The following EPHA7 variants were observed in gnomAD, a reference collection of about 807,000 sequenced individuals.
The protein encoded by EPHA7 is EPH receptor A7.
In EPHA7, 25 loss-of-function variants were observed where a neutral mutation model predicts 112.6. That is an observed-to-expected ratio of 0.22 (90% CI 0.16 to 0.31). The LOEUF is 0.31. Among genes scored for constraint, EPHA7 ranks in the 10% least tolerant of loss-of-function variants. The pLI is 1.00. For missense variants in EPHA7, 962 were observed against 1,212.6 expected (o/e 0.79, Z 3.07); for synonymous variants, 437 against 406.5 (o/e 1.07, Z -0.90).
At chr6:93,288,273 T>C (rs77440849) in intron 5 of EPHA7, among the ~76,000 whole-genome samples, 3,358 of 152,260 alleles carry the variant, frequency 0.022, 55 homozygotes, top group Non-Finnish European at 0.033. Flanking sequence ...CAGTACAACA[T>C]AGAAGTACCT....
intron 1 of EPHA7, among the ~76,000 whole-genome samples, chr6:93,417,990 G>A (rs555531726): frequency 1.3e-5 from 2 of 152,140 alleles, no homozygotes; most frequent in South Asian, 4.2e-4. Flanking sequence ...AGAAATAGAT[G>A]AATCAAGGAC....
At chr6:93,273,519 TC>T (rs1562060397) in intron 5 of EPHA7, among the ~76,000 whole-genome samples, 1 of 151,958 alleles carries the variant, frequency 6.6e-6, no homozygotes, top group African/African-American at 2.4e-5. Flanking sequence ...TGTATCAATG[TC>T]TAAAAACCAC....
chr6:93,248,314 A>G (rs1383124562), intron 14 of EPHA7, among the ~76,000 whole-genome samples: 1 of 152,126 alleles, frequency 6.6e-6, no homozygotes, highest in Non-Finnish European at 1.5e-5. Flanking sequence ...GGCATCAACA[A>G]TATTTGAAAA....
In EPHA7 at chr6:93,291,636, C is replaced by T. The variant is rs573953627; in HGVS notation, c.1325-19214G>A. Among the ~76,000 whole-genome samples, 141 of 148,972 alleles carry T rather than the reference C, an allele frequency of 9.5e-4. 1 individual carries two copies. Among genetic ancestry groups the T allele is most frequent in the Non-Finnish European group, 1.5e-3 (102 of 66,722 alleles). On this transcript the variant is annotated intron_variant, in intron 5 of 16. Coordinates refer to ENST00000369303, the MANE Select transcript of EPHA7 (RefSeq NM_004440.4). ...ACAAAAAATTAGCCGGGCGTAGTGG[C>T]GGGCGCCTGTAGTCCCAGCTACTTG...
At chr6:93,336,658 C>T (rs1038228710) in intron 5 of EPHA7, among the ~76,000 whole-genome samples, 1 of 152,022 alleles carries the variant, frequency 6.6e-6, no homozygotes, top group African/African-American at 2.4e-5. Context: ...GCCTTGGCCT[C>T]CCAAAGTGCT....
intron 9 of EPHA7, among the ~76,000 whole-genome samples, chr6:93,259,870 AAATT>A (rs1432440743): frequency 6.6e-6 from 1 of 152,016 alleles, no homozygotes; most frequent in Non-Finnish European, 1.5e-5. Flanking sequence ...TCAATCAATC[AAATT>A]AATACACTGG....
chr6:93,286,177 A>C (rs546983393), intron 5 of EPHA7, among the ~76,000 whole-genome samples: 9 of 151,962 alleles, frequency 5.9e-5, no homozygotes, highest in South Asian at 2.1e-4. Flanking sequence ...CTACACACAC[A>C]CCCCCACACA....
chr6:93,312,883 C>T lies in EPHA7; in HGVS notation c.1325-40461G>A, dbSNP rs140201675. The stretch of plus-strand genomic sequence containing the variant: ...ATTCTGTCTCAAGGAATAGGAAAGC[C>T]CAAGGAGAGGGAGTGAGATAGGGAA... On this transcript the variant is annotated intron_variant, in intron 5 of 16. Transcript: ENST00000369303. Among the ~76,000 whole-genome samples the T allele has an allele frequency of 3.2e-3, 487 of 151,814 alleles. 1 individual carries two copies. Among genetic ancestry groups the T allele is most frequent in the African/African-American group, 0.011 (469 of 41,396 alleles).
At chr6:93,244,760 GCTT>G (rs1363466090) in intron 16 of EPHA7, among the ~76,000 whole-genome samples, 2 of 152,026 alleles carry the variant, frequency 1.3e-5, no homozygotes, top group Non-Finnish European at 2.9e-5. Context: ...ACTGAATTAA[GCTT>G]CTTTTGATCT....
At chr6:93,249,117 T>C (rs1057419844) in intron 14 of EPHA7, among the ~76,000 whole-genome samples, 7 of 152,114 alleles carry the variant, frequency 4.6e-5, no homozygotes, top group Non-Finnish European at 8.8e-5. Context: ...ATGGAGGTCA[T>C]ATGACAGAAC....
intron 5 of EPHA7, among the ~76,000 whole-genome samples, chr6:93,285,552 ATAT>A (rs1449451967): frequency 6.6e-6 from 1 of 152,246 alleles, no homozygotes; most frequent in Admixed American, 6.5e-5. Context: ...TTCTGTTTTA[ATAT>A]TATTAACTAT....
At chr6:93,273,638 G>A (rs983538612) in intron 5 of EPHA7, among the ~76,000 whole-genome samples, 7 of 151,944 alleles carry the variant, frequency 4.6e-5, no homozygotes, top group Non-Finnish European at 1.5e-5. Context: ...GGCAGTTTAA[G>A]TGGGACAACT....
intron 5 of EPHA7, among the ~76,000 whole-genome samples, chr6:93,339,070 A>G (rs1775016150): frequency 6.6e-6 from 1 of 151,372 alleles, no homozygotes; most frequent in Admixed American, 6.6e-5. Context: ...ACAGGAATAA[A>G]ATTTTACATG....
In EPHA7 at chr6:93,259,340, T is replaced by C; in HGVS notation, c.1924+14A>G. The C allele has an allele frequency of 6.2e-7, 1 of 1,610,404 alleles. No individual in the cohort carries two copies. Among genetic ancestry groups the C allele is most frequent in the Non-Finnish European group, 8.5e-7 (1 of 1,177,502 alleles). ...AAATGGAACAGCTGAACGAGGAAGCTACAATAGCCTTACCTGCACCAATCA... is the reference window on the plus strand; with the variant it reads ...AAATGGAACAGCTGAACGAGGAAGCCACAATAGCCTTACCTGCACCAATCA... On this transcript the variant is annotated intron_variant, in intron 10 of 16. Transcript: ENST00000369303.
intron 3 of EPHA7, among the ~76,000 whole-genome samples, chr6:93,400,496 C>T (rs983475695): frequency 6.6e-6 from 1 of 151,962 alleles, no homozygotes; most frequent in Non-Finnish European, 1.5e-5. Flanking sequence ...TCTCCTGGTC[C>T]AACTCTCTTT....
At position 93,419,335 on chromosome 6, in the gene EPHA7, A is replaced by G. The variant is rs1273287575; in HGVS notation, c.7T>C (p.Phe3Leu). The G allele has an allele frequency of 1.2e-6, 2 of 1,613,398 alleles. No homozygotes were observed. The highest frequency in any genetic ancestry group is 1.3e-5 in the African/African-American group (1 of 74,912). Residue 3 changes from phenylalanine to leucine, a missense_variant, in exon 1 of 17, where the codon TTT becomes CTT. By Grantham distance (22) the Phe-to-Leu change is conservative. Coordinates refer to ENST00000369303, the MANE Select transcript of EPHA7 (RefSeq NM_004440.4). MV[F>L]QTRYPSWIIL... Reference sequence around the variant, plus strand: ...ATCCATGAAGGGTACCGAGTTTGAAAAACCATGGTGCATGAGCAGGTTTTA... The same window carrying G: ...ATCCATGAAGGGTACCGAGTTTGAAGAACCATGGTGCATGAGCAGGTTTTA...
intron 15 of EPHA7, among the ~76,000 whole-genome samples, chr6:93,245,809 C>T (rs1173929925): frequency 2.6e-5 from 4 of 152,106 alleles, no homozygotes; most frequent in African/African-American, 9.7e-5. Context: ...GTTCAGGCCA[C>T]GAGGGTGCTG....
Position 93,314,490 on chromosome 6 carries a change from C to T in EPHA7, c.1325-42068G>A, listed in dbSNP as rs563451082. Among the ~76,000 whole-genome samples the T allele has an allele frequency of 3.3e-5, 5 of 152,248 alleles. No homozygotes were observed. The South Asian group carries it at 8.3e-4, about 25-fold the overall frequency. Reference sequence around the variant, plus strand: ...AACCTCCATATCTGTTTTAACTTGCCTCACAATCCTTAAGTGAAGCATACA... The same window carrying T: ...AACCTCCATATCTGTTTTAACTTGCTTCACAATCCTTAAGTGAAGCATACA... On this transcript the variant is annotated intron_variant, in intron 5 of 16. Coordinates refer to ENST00000369303, the MANE Select transcript of EPHA7 (RefSeq NM_004440.4).
At chr6:93,256,121 G>T in intron 12 of EPHA7, 84 bp from the exon 13 acceptor site, 1 of 1,227,610 alleles carries the variant, frequency 8.1e-7, no homozygotes, top group Non-Finnish European at 1.2e-6. Context: ...CTGCGTGCTA[G>T]CAATTTGCTA....
Sources: allele counts gnomAD v4.1 joint callset (sites outside exome capture counted in the v4.1 genomes callset), GRCh38; gene constraint gnomAD v4.1.1; transcripts MANE v1.5; gene names NCBI Gene and HGNC (gene_info 2026-07-23, HGNC 2026-07-21).